The following SPTLC3 variants were observed in gnomAD, a reference collection of about 807,000 sequenced individuals.
SPTLC3 encodes the protein serine palmitoyltransferase 3.
SPTLC3 carries 36 observed loss-of-function variants against 59.3 expected under a neutral mutation model. The ratio of observed to expected loss-of-function variants is 0.61; its 90% CI spans 0.47 to 0.80. SPTLC3 has a LOEUF of 0.80. Ranked by LOEUF, SPTLC3 falls within the 30% of genes least tolerant of loss-of-function variation. The pLI, the probability that SPTLC3 is intolerant of heterozygous loss-of-function variation, is 0.00. For missense variants in SPTLC3, 625 were observed against 685.1 expected (o/e 0.91, Z 0.98); for synonymous variants, 257 against 240.8 (o/e 1.07, Z -0.62).
intron 9 of SPTLC3, 75 bp from the exon 10 acceptor site, chr20:13,153,928 C>T (rs1054848557): frequency 1.8e-5 from 28 of 1,572,348 alleles, no homozygotes; most frequent in South Asian, 4.8e-5. Context: ...CTTAAAGATG[C>T]TTGCCAAGTT....
In SPTLC3 at chr20:13,159,090, G is replaced by A. The variant is rs143786406; in HGVS notation, c.1416-913G>A. ...CTTGGGAGTACATGCCTTTTTGTCT[G>A]ACCTTGGCTCTCAGCACAAGATATT... On this transcript the variant is annotated intron_variant, in intron 10 of 11. Transcript: ENST00000399002. 4.2e-3 allele frequency among the ~76,000 whole-genome samples: 638 copies of A among 152,320 alleles called. 2 individuals carry two copies. Among genetic ancestry groups the A allele is most frequent in the African/African-American group, 0.014 (598 of 41,554 alleles).
intron 4 of SPTLC3, among the ~76,000 whole-genome samples, chr20:13,090,802 C>A (rs1989186070): frequency 6.6e-6 from 1 of 152,182 alleles, no homozygotes; most frequent in Non-Finnish European, 1.5e-5. Context: ...TTTCACTCAA[C>A]AACAGATTTG....
chr20:13,028,624 A>G (rs6033575), intron 1 of SPTLC3, among the ~76,000 whole-genome samples: 13,089 of 152,170 alleles, frequency 0.086, 750 homozygotes, highest in African/African-American at 0.16. Context: ...GAAAATTTTC[A>G]TACATGTCTT....
intron 8 of SPTLC3, among the ~76,000 whole-genome samples, chr20:13,122,693 G>A (rs2037895214): frequency 6.6e-6 from 1 of 152,184 alleles, no homozygotes; most frequent in Admixed American, 6.5e-5. Flanking sequence ...TGGAACCTCA[G>A]GCCACCAGGG....
rs893988022 is a variant in SPTLC3, at chr20:13,118,097, A to C, written c.1152+372A>C. Among the ~76,000 whole-genome samples the C allele has an allele frequency of 9.8e-5, 15 of 152,320 alleles. No individual in the cohort carries two copies. The South Asian group carries it at 1.4e-3, about 15-fold the overall frequency. ...GGGCCATATTTAACACACAGAGAGA[A>C]TAATGTATACCAAGCCAGAAGTGAT... On this transcript the variant is annotated intron_variant, in intron 8 of 11. Transcript: ENST00000399002.
At position 13,160,067 on chromosome 20, in the gene SPTLC3, C is replaced by G. The variant is rs1406425572; in HGVS notation, c.1480C>G (p.Pro494Ala). ...GGTGGTCGTGGGATTTCCAGCCACT[C>G]CCCTCGCAGAAGCTCGGGCTCGGTT... Reference protein sequence around the residue: ...GVVVVGFPATPLAEARARFCV... With the variant: ...GVVVVGFPATALAEARARFCV... The change falls in exon 11 of 12, where the codon CCC becomes GCC. Residue 494 changes from proline (P) to alanine (A), a missense_variant. Coordinates refer to ENST00000399002, the MANE Select transcript of SPTLC3 (RefSeq NM_018327.4). 3.1e-6 allele frequency: 5 copies of G among 1,613,580 alleles called. No homozygotes were observed. Among genetic ancestry groups the G allele is most frequent in the Non-Finnish European group, 3.4e-6 (4 of 1,179,852 alleles).
rs1328239247 is a variant in SPTLC3, at chr20:13,168,312, G to A, written c.*3445G>A. The A allele has an allele frequency of 6.6e-6, 1 of 151,900 alleles. No homozygotes were observed. Among genetic ancestry groups the A allele is most frequent in the East Asian group, 1.9e-4 (1 of 5,166 alleles). The allele number at this position is 151,900 out of a possible 1,614,324, so 9.4% of individuals were successfully genotyped here. On this transcript the variant is annotated 3_prime_UTR_variant, in exon 12 of 12. Coordinates refer to ENST00000399002, the MANE Select transcript of SPTLC3 (RefSeq NM_018327.4). Reference sequence around the variant, plus strand: ...GATTCTCCTGCCTCAGCCTCCTGAGGAGCTGAGTTTACAGGCATGTGCCAC... The same window carrying A: ...GATTCTCCTGCCTCAGCCTCCTGAGAAGCTGAGTTTACAGGCATGTGCCAC...
At chr20:13,157,665 A>G (rs2038806565) in intron 10 of SPTLC3, among the ~76,000 whole-genome samples, 1 of 140,034 alleles carries the variant, frequency 7.1e-6, no homozygotes, top group Non-Finnish European at 1.5e-5. Flanking sequence ...CTACAAACAG[A>G]AAAAAAAAAA....
chr20:13,062,548 G>A (rs750968332), intron 2 of SPTLC3, among the ~76,000 whole-genome samples: 31 of 152,278 alleles, frequency 2.0e-4, no homozygotes, highest in African/African-American at 6.5e-4. Context: ...AGACAAGCCC[G>A]AATGAAAAGC....
chr20:13,063,937 T>C (rs1381761673), intron 2 of SPTLC3, among the ~76,000 whole-genome samples: 2 of 152,150 alleles, frequency 1.3e-5, no homozygotes, highest in Admixed American at 1.3e-4. Flanking sequence ...ATTACAGGCA[T>C]GAGCCACTGC....
chr20:13,009,160 A>C lies in SPTLC3; in HGVS notation c.-108A>C. ...AAAGCCTGATTGGTAAGATTCCTTT[A>C]AGGGCTCAGCCCCAAAGAGCTTTAT... On this transcript the variant is annotated 5_prime_UTR_variant, in exon 1 of 12. Transcript: ENST00000399002. 1 of 794,138 alleles carries C rather than the reference A, an allele frequency of 1.3e-6. No homozygotes were observed. Among genetic ancestry groups the C allele is most frequent in the African/African-American group, 1.7e-5 (1 of 57,602 alleles). 49.2% of individuals were successfully genotyped at this position (794,138 alleles called of 1,614,324 possible).
At chr20:13,120,794 T>G (rs969919946) in intron 8 of SPTLC3, among the ~76,000 whole-genome samples, 3 of 152,248 alleles carry the variant, frequency 2.0e-5, no homozygotes, top group African/African-American at 7.2e-5. Context: ...TAATTGGAAG[T>G]TGCTGCCAGG....
chr20:13,120,332 T>C (rs1486653740), intron 8 of SPTLC3, among the ~76,000 whole-genome samples: 2 of 152,152 alleles, frequency 1.3e-5, no homozygotes, highest in African/African-American at 2.4e-5. Context: ...TCCAAACCAA[T>C]GTATACAAAA....
chr20:13,163,720 A>G (rs894829653), intron 11 of SPTLC3, among the ~76,000 whole-genome samples: 2 of 152,112 alleles, frequency 1.3e-5, no homozygotes, highest in African/African-American at 4.8e-5. Flanking sequence ...AGGAAAGTCC[A>G]TAAGATCTAT....
intron 2 of SPTLC3, among the ~76,000 whole-genome samples, chr20:13,070,724 C>T (rs7270727): frequency 2.6e-5 from 4 of 152,174 alleles, no homozygotes; most frequent in Non-Finnish European, 4.4e-5. Context: ...GCCTCACCCA[C>T]GCTGTAGGGA....
intron 8 of SPTLC3, among the ~76,000 whole-genome samples, chr20:13,124,577 G>C (rs2037943943): frequency 6.6e-6 from 1 of 152,080 alleles, no homozygotes; most frequent in Admixed American, 6.5e-5. Flanking sequence ...ACGGGTGAAA[G>C]GGGGGGATTC....
At chr20:13,077,313 A>C (rs896490127) in intron 4 of SPTLC3, among the ~76,000 whole-genome samples, 9 of 138,282 alleles carry the variant, frequency 6.5e-5, no homozygotes, top group Non-Finnish European at 1.3e-4. Context: ...GTAATAAAGT[A>C]AGAAGCCAAA....
rs758525525 is a variant in SPTLC3, at chr20:13,117,619, G to A, written c.1046G>A (p.Arg349Gln). The A allele has an allele frequency of 2.4e-5, 39 of 1,613,944 alleles. No individual in the cohort carries two copies. Among genetic ancestry groups the A allele is most frequent in the Middle Eastern group, 3.3e-4 (2 of 6,076 alleles). ...ATTGGGGCCGTGGGCCCAACCGGCC[G>A]GGGTGTCACGGAGTTCTTTGGACTA... ...HSIGAVGPTG[R>Q]GVTEFFGLDP... Residue 349 changes from arginine (R) to glutamine (Q), a missense_variant, in exon 8 of 12, where the codon CGG becomes CAG. Physicochemically the swap from Arg to Gln is conservative, Grantham distance 43 (BLOSUM62 1). Coordinates refer to ENST00000399002, the MANE Select transcript of SPTLC3 (RefSeq NM_018327.4).
intron 4 of SPTLC3, among the ~76,000 whole-genome samples, chr20:13,089,022 A>C (rs533817925): frequency 6.6e-6 from 1 of 152,304 alleles, no homozygotes; most frequent in South Asian, 2.1e-4. Context: ...CCTCTCATGA[A>C]GGCCACAGAT....
Sources: gnomAD v4.1 joint callset for allele counts (sites outside exome capture counted in the v4.1 genomes callset) on GRCh38, gnomAD v4.1.1 for gene constraint, MANE v1.5 for transcripts, NCBI Gene and HGNC (gene_info 2026-07-23, HGNC 2026-07-21) for gene names.